Variants in ADGRL3 observed in about 807,000 individuals in gnomAD.
The protein encoded by ADGRL3 is calcium-independent alpha-latrotoxin receptor 3.
A neutral mutation model predicts 153.5 loss-of-function variants in ADGRL3; 62 were observed. That is an observed-to-expected ratio of 0.40 (90% confidence interval 0.33 to 0.50). ADGRL3 has a LOEUF of 0.50. Ranked by LOEUF, ADGRL3 falls within the 20% of genes least tolerant of loss-of-function variation. ADGRL3 has a pLI of 0.47. For missense variants in ADGRL3, 1,641 were observed against 1,859.4 expected, an observed-to-expected ratio of 0.88 and a Z score of 2.16; for synonymous variants, 710 against 672.5, an observed-to-expected ratio of 1.06 and a Z score of -0.86.
At chr4:61,298,001 TTAAA>T (rs1238281658) in intron 1 of ADGRL3, among the ~76,000 whole-genome samples, 2 of 152,114 alleles carry the variant, frequency 1.3e-5, no homozygotes, top group Non-Finnish European at 2.9e-5. Context: ...ATATAATACT[TTAAA>T]TAGCCATTAT....
At chr4:61,714,685 A>T (rs1395870274) in intron 6 of ADGRL3, among the ~76,000 whole-genome samples, 1 of 151,760 alleles carries the variant, frequency 6.6e-6, no homozygotes, top group African/African-American at 2.4e-5. Flanking sequence ...CCAGCTTCCT[A>T]TTTCAGTTGT....
chr4:61,701,430 AT>A (rs71664995), intron 6 of ADGRL3, among the ~76,000 whole-genome samples: 290 of 105,396 alleles, frequency 2.8e-3, no homozygotes, highest in Middle Eastern at 0.014. Flanking sequence ...TAAAGGTACA[AT>A]TTTTTTTTTT....
intron 6 of ADGRL3, among the ~76,000 whole-genome samples, chr4:61,698,648 A>G (rs2095688808): frequency 2.0e-5 from 3 of 152,120 alleles, no homozygotes; most frequent in African/African-American, 7.2e-5. Flanking sequence ...TGTTTACAAA[A>G]GTGTTAGTAA....
chr4:61,958,604 G>A lies in ADGRL3; in HGVS notation c.2805+10328G>A, dbSNP rs374644535. On this transcript the variant is annotated intron_variant, in intron 17 of 26. Transcript: ENST00000683033. ...CATGGCAGAAGGTGAAGGGGAAGCAGGCACTTTCTTCACAAGGTGGTGAGA... is the reference window on the plus strand; with the variant it reads ...CATGGCAGAAGGTGAAGGGGAAGCAAGCACTTTCTTCACAAGGTGGTGAGA... Among the ~76,000 whole-genome samples, 180 of 152,182 alleles carry A rather than the reference G, an allele frequency of 1.2e-3. 1 individual carries two copies. The highest frequency in any genetic ancestry group is 4.2e-3 in the African/African-American group (174 of 41,524).
intron 5 of ADGRL3, among the ~76,000 whole-genome samples, chr4:61,641,878 G>GT (rs1368916442): frequency 1.4e-5 from 2 of 147,930 alleles, no homozygotes; most frequent in Middle Eastern, 3.3e-3. Flanking sequence ...TTCCACAATG[G>GT]TTGAACTAGT....
At chr4:61,731,195 T>C (rs911965657) in intron 7 of ADGRL3, among the ~76,000 whole-genome samples, 1 of 152,014 alleles carries the variant, frequency 6.6e-6, no homozygotes, top group Non-Finnish European at 1.5e-5. Context: ...CTATCCTTTC[T>C]ATGGAAGATT....
chr4:61,394,052 A>G (rs1051107452), intron 2 of ADGRL3, among the ~76,000 whole-genome samples: 32 of 152,224 alleles, frequency 2.1e-4, no homozygotes, highest in African/African-American at 7.7e-4. Flanking sequence ...CAGAATTTAT[A>G]GCATATAAAA....
At chr4:61,343,318 C>T (rs550034101) in intron 1 of ADGRL3, among the ~76,000 whole-genome samples, 5 of 152,338 alleles carry the variant, frequency 3.3e-5, no homozygotes, top group African/African-American at 1.2e-4. Flanking sequence ...CAGATATCCT[C>T]ATAATGTCAA....
chr4:61,948,167 A>G lies in ADGRL3; in HGVS notation c.2696A>G (p.Tyr899Cys), dbSNP rs2098933284. Residue 899 changes from tyrosine (Y) to cysteine (C), a missense_variant, in exon 17 of 27, where the codon TAT (tyrosine) becomes TGT (cysteine). Physicochemically the swap from Tyr to Cys is radical, Grantham distance 194. Transcript: ENST00000683033. ...WSYSKRTMTG[Y>C]WSTQGCRLLT... is the part of the protein sequence containing the mutation. Reference sequence around the variant, plus strand: ...TACTCCAAGCGTACAATGACAGGTTATTGGTCAACACAAGGCTGTCGGCTC... The same window carrying G: ...TACTCCAAGCGTACAATGACAGGTTGTTGGTCAACACAAGGCTGTCGGCTC... 6.2e-7 allele frequency: 1 copy of G among 1,613,680 alleles called. No homozygotes were observed. Among genetic ancestry groups the G allele is most frequent in the Admixed American group, 1.7e-5 (1 of 59,944 alleles).
intron 5 of ADGRL3, among the ~76,000 whole-genome samples, chr4:61,641,843 G>T (rs1321178273): frequency 6.7e-6 from 1 of 148,892 alleles, no homozygotes; most frequent in East Asian, 2.0e-4. Context: ...CTAGTTCTAG[G>T]TCCCTGAGGA....
intron 5 of ADGRL3, among the ~76,000 whole-genome samples, chr4:61,625,632 C>G (rs903588612): frequency 6.6e-6 from 1 of 151,840 alleles, no homozygotes; most frequent in African/African-American, 2.4e-5. Flanking sequence ...ACCTTAGATT[C>G]CTAATGAGAG....
intron 5 of ADGRL3, among the ~76,000 whole-genome samples, chr4:61,641,982 G>A (rs369097859): frequency 1.3e-5 from 2 of 150,678 alleles, no homozygotes; most frequent in Non-Finnish European, 1.5e-5. Flanking sequence ...TGCCATTCTA[G>A]CTGGTGTGAG....
intron 2 of ADGRL3, among the ~76,000 whole-genome samples, chr4:61,384,594 T>A (rs1013370649): frequency 6.6e-6 from 1 of 151,990 alleles, no homozygotes; most frequent in Non-Finnish European, 1.5e-5. Context: ...CATTGGTTTC[T>A]TCAATATAAA....
At chr4:61,765,885 A>G (rs1159976019) in intron 8 of ADGRL3, among the ~76,000 whole-genome samples, 1 of 152,112 alleles carries the variant, frequency 6.6e-6, no homozygotes, top group East Asian at 1.9e-4. Flanking sequence ...TGGAACACTG[A>G]GCAGAATAGC....
At position 61,694,176 on chromosome 4, in the gene ADGRL3, A is replaced by ATTTTTTTTTTTTTTTTTTTT. The variant is rs2095592928; in HGVS notation, c.583+17243_583+17244insTTTTTTTTTTTTTTTTTTTT. 1.4e-4 allele frequency among the ~76,000 whole-genome samples: 13 copies of ATTTTTTTTTTTTTTTTTTTT among 94,694 alleles called. 1 individual carries two copies. The highest frequency in any genetic ancestry group is 4.8e-4 in the African/African-American group (13 of 27,162). The allele number at this position is 94,694 out of a possible 152,430, so 62.1% of individuals were successfully genotyped here. On this transcript the variant is annotated intron_variant, in intron 6 of 26. Transcript: ENST00000683033. Reference sequence around the variant, plus strand: ...TCCTATACTATTTTAAAATTTTGTCATTATTTTTTTTTTTTTTTTTTTTTT... The same window carrying ATTTTTTTTTTTTTTTTTTTT: ...TCCTATACTATTTTAAAATTTTGTCATTTTTTTTTTTTTTTTTTTTTTATTTTTTTTTTTTTTTTTTTTTT...
intron 1 of ADGRL3, among the ~76,000 whole-genome samples, chr4:61,381,862 T>C (rs750980967): frequency 1.5e-4 from 23 of 151,966 alleles, no homozygotes; most frequent in Non-Finnish European, 7.4e-5. Flanking sequence ...AAGTGTGGCA[T>C]TCAAGTATGA....
chr4:61,295,279 G>T (rs1486930909), intron 1 of ADGRL3, among the ~76,000 whole-genome samples: 3 of 152,100 alleles, frequency 2.0e-5, no homozygotes, highest in Non-Finnish European at 2.9e-5. Context: ...GAATAGTGAT[G>T]CTGGCACATT....
chr4:61,560,691 A>G (rs1449471495), intron 4 of ADGRL3, among the ~76,000 whole-genome samples: 1 of 151,876 alleles, frequency 6.6e-6, no homozygotes, highest in Middle Eastern at 3.2e-3. Flanking sequence ...ATGGAGAATA[A>G]TTTACTCCCT....
chr4:61,939,711 G>A (rs886171723), intron 15 of ADGRL3, among the ~76,000 whole-genome samples: 1 of 151,652 alleles, frequency 6.6e-6, no homozygotes, highest in Non-Finnish European at 1.5e-5. Context: ...TTCGTGATCT[G>A]CCCGCCTCAG....
Sources: allele counts gnomAD v4.1 joint callset (sites outside exome capture counted in the v4.1 genomes callset), GRCh38; gene constraint gnomAD v4.1.1; transcripts MANE v1.5; gene names NCBI Gene and HGNC (gene_info 2026-07-23, HGNC 2026-07-21).